COG5: variants seen among roughly 807,000 people sequenced by gnomAD.
COG5 encodes the protein component of oligomeric golgi complex 5.
In COG5, 86 loss-of-function variants were observed where a neutral mutation model predicts 110.4. The ratio of observed to expected loss-of-function variants is 0.78; its 90% CI spans 0.65 to 0.93. COG5 has a LOEUF of 0.93. Ranked by LOEUF, COG5 falls within the 40% of genes least tolerant of loss-of-function variation. The pLI is 0.00. For synonymous variants in COG5, 360 were observed against 334.6 expected, an observed-to-expected ratio of 1.08 and a Z score of -0.83; for missense variants, 1,077 against 987.0, an observed-to-expected ratio of 1.09 and a Z score of -1.22.
intron 6 of COG5, among the ~76,000 whole-genome samples, chr7:107,441,895 A>G (rs1039011742): frequency 5.3e-5 from 8 of 152,254 alleles, no homozygotes; most frequent in Non-Finnish European, 1.0e-4. Context: ...ATATTCTTCA[A>G]AATAATAAAC....
At chr7:107,223,060 T>C (rs922282934) in intron 19 of COG5, among the ~76,000 whole-genome samples, 3 of 152,310 alleles carry the variant, frequency 2.0e-5, no homozygotes, top group East Asian at 1.9e-4. Flanking sequence ...GAGACAGATA[T>C]AGGCATCATT....
At chr7:107,277,846 G>A (rs1373770831) in intron 14 of COG5, among the ~76,000 whole-genome samples, 4 of 151,988 alleles carry the variant, frequency 2.6e-5, no homozygotes, top group Non-Finnish European at 5.9e-5. Context: ...TTGGTGATTA[G>A]TAACAGAAAA....
At chr7:107,520,310 A>C (rs1800235110) in intron 6 of COG5, among the ~76,000 whole-genome samples, 1 of 152,222 alleles carries the variant, frequency 6.6e-6, no homozygotes, top group Admixed American at 6.5e-5. Context: ...AGCAGGCAAC[A>C]GAAAGAAATA....
chr7:107,286,042 G>A (rs1398786528), intron 12 of COG5, among the ~76,000 whole-genome samples: 1 of 152,070 alleles, frequency 6.6e-6, no homozygotes, highest in Non-Finnish European at 1.5e-5. Flanking sequence ...TTTTCCATCC[G>A]ATTTTAGATA....
At chr7:107,209,784 T>G in intron 21 of COG5, 1 of 976,782 alleles carries the variant, frequency 1.0e-6, no homozygotes, top group Non-Finnish European at 1.2e-6. Context: ...GAGCTCAGCA[T>G]CAATAAAAAT....
At chr7:107,506,647 C>T (rs1253842440) in intron 6 of COG5, among the ~76,000 whole-genome samples, 2 of 152,172 alleles carry the variant, frequency 1.3e-5, no homozygotes, top group African/African-American at 4.8e-5. Flanking sequence ...CCCACAGTTT[C>T]CCAGTAGCAG....
At chr7:107,534,684 C>G (rs1801454068) in intron 5 of COG5, among the ~76,000 whole-genome samples, 1 of 151,396 alleles carries the variant, frequency 6.6e-6, no homozygotes, top group Non-Finnish European at 1.5e-5. Flanking sequence ...TCTTAGAGAT[C>G]TACAAAGAGA....
chr7:107,375,871 T>C (rs182695098), intron 7 of COG5, among the ~76,000 whole-genome samples: 7 of 152,128 alleles, frequency 4.6e-5, no homozygotes, highest in African/African-American at 1.7e-4. Flanking sequence ...TTTGGTATTG[T>C]TTGATAAGTG....
intron 6 of COG5, among the ~76,000 whole-genome samples, chr7:107,511,993 G>A (rs1360510419): frequency 6.6e-6 from 1 of 152,164 alleles, no homozygotes; most frequent in Non-Finnish European, 1.5e-5. Context: ...CACAAGACAG[G>A]GATGCCCTCT....
At chr7:107,209,756 A>G in intron 21 of COG5, 2 of 935,924 alleles carry the variant, frequency 2.1e-6, no homozygotes, top group South Asian at 9.9e-5. Context: ...CCCAGGGCCT[A>G]CCATGCTGAT....
At chr7:107,231,269 T>C (rs1800756780) in intron 18 of COG5, among the ~76,000 whole-genome samples, 1 of 152,128 alleles carries the variant, frequency 6.6e-6, no homozygotes, top group South Asian at 2.1e-4. Flanking sequence ...TAAAAGATAA[T>C]CCCACAAAGC....
rs139284578 is a variant in COG5, at chr7:107,448,575, T to C, written c.539-35943A>G. 2.8e-3 allele frequency among the ~76,000 whole-genome samples: 433 copies of C among 152,312 alleles called. 2 individuals carry two copies. The highest frequency in any genetic ancestry group is 6.8e-3 in the Middle Eastern group (2 of 294). ...TATCTGTCCTATTTCCCCCCTTTTG[T>C]GGCAACTCTCAGATCTGTGTCTTCT... is the stretch of plus-strand genomic sequence containing the variant. On this transcript the variant is annotated intron_variant, in intron 6 of 21. Coordinates refer to ENST00000297135, the MANE Select transcript of COG5 (RefSeq NM_006348.5).
chr7:107,272,568 A>G (rs1267346179), intron 14 of COG5, among the ~76,000 whole-genome samples: 1 of 152,172 alleles, frequency 6.6e-6, no homozygotes, highest in African/African-American at 2.4e-5. Context: ...CACAATTTCA[A>G]AAATATTTTG....
At chr7:107,529,113 C>A (rs372006908) in intron 5 of COG5, among the ~76,000 whole-genome samples, 1 of 150,358 alleles carries the variant, frequency 6.7e-6, no homozygotes, top group African/African-American at 2.5e-5. Context: ...AAATATTATC[C>A]GTTTTCTGAA....
At chr7:107,493,417 A>G (rs1798087683) in intron 6 of COG5, among the ~76,000 whole-genome samples, 1 of 152,178 alleles carries the variant, frequency 6.6e-6, no homozygotes, top group African/African-American at 2.4e-5. Flanking sequence ...TATTACCACT[A>G]TGAGTAAATC....
At chr7:107,333,600 A>T (rs1478670816) in intron 10 of COG5, among the ~76,000 whole-genome samples, 2 of 152,212 alleles carry the variant, frequency 1.3e-5, no homozygotes, top group Non-Finnish European at 2.9e-5. Context: ...TTTTAAATAC[A>T]TTTTGAAGGT....
chr7:107,420,808 A>C (rs1793233711), intron 6 of COG5, among the ~76,000 whole-genome samples: 2 of 152,316 alleles, frequency 1.3e-5, no homozygotes, highest in South Asian at 2.1e-4. Flanking sequence ...CCATCACATA[A>C]ACTATGCATA....
intron 14 of COG5, among the ~76,000 whole-genome samples, chr7:107,264,543 T>C (rs1449435576): frequency 2.0e-5 from 3 of 151,822 alleles, no homozygotes; most frequent in Non-Finnish European, 4.4e-5. Context: ...AATACAAAAA[T>C]TAGCCAGGTG....
At chr7:107,535,666 T>C (rs1012107424) in intron 5 of COG5, among the ~76,000 whole-genome samples, 1 of 152,186 alleles carries the variant, frequency 6.6e-6, no homozygotes, top group Non-Finnish European at 1.5e-5. Flanking sequence ...GAAGCACTAA[T>C]AGCCTACTAA....
Sources: gnomAD v4.1 joint callset for allele counts (sites outside exome capture counted in the v4.1 genomes callset) on GRCh38, gnomAD v4.1.1 for gene constraint, MANE v1.5 for transcripts, NCBI Gene and HGNC (gene_info 2026-07-23, HGNC 2026-07-21) for gene names.